Variants in PDXDC1 observed in about 807,000 individuals in gnomAD.
The protein encoded by PDXDC1 is pyridoxal dependent decarboxylase domain containing 1.
PDXDC1 carries 42 observed loss-of-function variants against 100.1 expected under a neutral mutation model. The observed-to-expected ratio is 0.42, with a 90% CI of 0.33 to 0.54. The LOEUF (loss-of-function observed/expected upper bound fraction) is 0.54. Ranked by LOEUF, PDXDC1 falls within the 20% of genes least tolerant of loss-of-function variation. The pLI is 0.10. For synonymous variants in PDXDC1, 260 were observed against 371.7 expected, an observed-to-expected ratio of 0.70 and a Z score of 3.46; for missense variants, 636 against 979.2, an observed-to-expected ratio of 0.65 and a Z score of 4.68.
At chr16:14,980,579 A>G (rs1346041824) in intron 1 of PDXDC1, among the ~76,000 whole-genome samples, 4 of 152,238 alleles carry the variant, frequency 2.6e-5, no homozygotes, top group Non-Finnish European at 5.9e-5. Flanking sequence ...TCCACCTCCC[A>G]GGTTCACGCC....
intron 16 of PDXDC1, among the ~76,000 whole-genome samples, chr16:15,096,257 C>T (rs1184330728): frequency 2.6e-5 from 4 of 151,830 alleles, no homozygotes; most frequent in Non-Finnish European, 5.9e-5. Flanking sequence ...TACAGGCATG[C>T]GCCACCATGC....
chr16:15,043,817 G>A (rs948041810), intron 16 of PDXDC1, among the ~76,000 whole-genome samples: 5 of 151,940 alleles, frequency 3.3e-5, no homozygotes, highest in Admixed American at 1.3e-4. Context: ...GTGTGGTGGC[G>A]CACGCCTGTG....
intron 16 of PDXDC1, chr16:15,065,473 T>C: frequency 2.1e-6 from 2 of 932,292 alleles, no homozygotes; most frequent in South Asian, 1.9e-5. Flanking sequence ...ACAGAGAAAT[T>C]GCTGAATATA....
At chr16:15,070,066 T>C (rs2045155970) in intron 16 of PDXDC1, 1 of 1,512,344 alleles carries the variant, frequency 6.6e-7, no homozygotes, top group Non-Finnish European at 9.1e-7. Flanking sequence ...CCCACAACAC[T>C]GACCTTCTTT....
chr16:15,035,975 C>A, intron 22 of PDXDC1, 41 bp from the exon 23 acceptor site: 1 of 1,570,996 alleles, frequency 6.4e-7, no homozygotes. Flanking sequence ...GCAGAAGTAT[C>A]CTCACTGAGT....
chr16:15,080,150 G>C (rs920936212), intron 16 of PDXDC1: 1 of 1,529,464 alleles, frequency 6.5e-7, no homozygotes, highest in Non-Finnish European at 8.7e-7. Context: ...ACGTTTCACA[G>C]TTATGTAAGC....
intron 16 of PDXDC1, chr16:15,061,600 A>G (rs2044711987): frequency 3.2e-6 from 2 of 631,440 alleles, no homozygotes; most frequent in Non-Finnish European, 5.3e-6. Context: ...TGCTTGATTC[A>G]GTCGAACCTG....
chr16:14,994,320 G>T (rs1388499218), intron 1 of PDXDC1, among the ~76,000 whole-genome samples: 1 of 152,286 alleles, frequency 6.6e-6, no homozygotes, highest in Non-Finnish European at 1.5e-5. Context: ...TTTTGTATAA[G>T]ATGTAAGGAA....
At chr16:15,117,460 T>A (rs1168938150) in intron 16 of PDXDC1, among the ~76,000 whole-genome samples, 2 of 149,452 alleles carry the variant, frequency 1.3e-5, no homozygotes, top group Non-Finnish European at 3.0e-5. Context: ...AGATGGAGAC[T>A]ATCCTGGCGA....
At chr16:15,077,789 C>T (rs1490501309) in intron 16 of PDXDC1, among the ~76,000 whole-genome samples, 2 of 152,158 alleles carry the variant, frequency 1.3e-5, no homozygotes, top group African/African-American at 2.4e-5. Flanking sequence ...TGCAGTGAGC[C>T]GAGATCGCAC....
intron 16 of PDXDC1, chr16:15,135,366 G>A (rs994344288): frequency 1.4e-5 from 21 of 1,531,012 alleles, no homozygotes; most frequent in Admixed American, 9.8e-5. Flanking sequence ...AGCCGTTCCC[G>A]TGGAATGGTG....
intron 14 of PDXDC1, among the ~76,000 whole-genome samples, chr16:15,027,953 C>G (rs2042746298): frequency 6.6e-6 from 1 of 152,272 alleles, no homozygotes; most frequent in Non-Finnish European, 1.5e-5. Context: ...CTCCCCAGCA[C>G]TTCCCTTCCC....
At chr16:15,029,067 C>A (rs768114038) in intron 15 of PDXDC1, 101 bp downstream of exon 15, 1 of 1,353,098 alleles carries the variant, frequency 7.4e-7, no homozygotes, top group South Asian at 1.3e-5. Flanking sequence ...AACTGAGGCC[C>A]ACAGGAGGAG....
At chr16:15,050,675 C>T (rs1043794506) in intron 16 of PDXDC1, among the ~76,000 whole-genome samples, 2 of 150,264 alleles carry the variant, frequency 1.3e-5, no homozygotes, top group African/African-American at 4.9e-5. Flanking sequence ...GAGGCTGCAG[C>T]GAGCCATGAT....
intron 16 of PDXDC1, chr16:15,069,921 G>A (rs983453702): frequency 8.7e-6 from 9 of 1,039,736 alleles, no homozygotes; most frequent in Admixed American, 2.5e-5. Context: ...GGGCCTATGA[G>A]CTGCTTGAAA....
intron 12 of PDXDC1, 62 bp from the exon 13 acceptor site, chr16:15,022,642 A>T: frequency 6.5e-7 from 1 of 1,543,292 alleles, no homozygotes; most frequent in Non-Finnish European, 8.9e-7. Flanking sequence ...GCCCCTGGTG[A>T]AAACCACTTC....
chr16:15,054,516 T>A (rs184894411), intron 16 of PDXDC1, among the ~76,000 whole-genome samples: 125 of 152,274 alleles, frequency 8.2e-4, no homozygotes, highest in Admixed American at 2.1e-3. Context: ...CTTCGCTAGC[T>A]AACAGGACAG....
intron 16 of PDXDC1, among the ~76,000 whole-genome samples, chr16:15,119,470 G>A (rs2047363552): frequency 6.7e-6 from 1 of 149,044 alleles, no homozygotes; most frequent in Non-Finnish European, 1.5e-5. Context: ...CCAGGCTGGA[G>A]TGCAGTGGTG....
chr16:15,020,997 C>T (rs2042158440), intron 12 of PDXDC1, among the ~76,000 whole-genome samples: 1 of 152,236 alleles, frequency 6.6e-6, no homozygotes. Context: ...CACACACACA[C>T]ACACACACAC....
Sources: gnomAD v4.1 joint callset for allele counts (sites outside exome capture counted in the v4.1 genomes callset) on GRCh38, gnomAD v4.1.1 for gene constraint, MANE v1.5 for transcripts, NCBI Gene and HGNC (gene_info 2026-07-23, HGNC 2026-07-21) for gene names.